Variants in DENND6B observed in about 807,000 individuals in gnomAD.
DENND6B encodes protein DENND6B.
Under a neutral mutation model 85.1 loss-of-function variants are expected in DENND6B, and 73 were observed. That is an observed-to-expected ratio of 0.86 (90% CI 0.71 to 1.04). The LOEUF (loss-of-function observed/expected upper bound fraction) is 1.04, where lower values mean the gene tolerates loss of function less well. Ranked by LOEUF, DENND6B falls within the 50% of genes least tolerant of loss-of-function variation. DENND6B has a pLI of 0.00. For missense variants in DENND6B, 715 were observed against 785.8 expected (o/e 0.91, Z 1.08); for synonymous variants, 357 against 329.3 (o/e 1.08, Z -0.91).
intron 9 of DENND6B, among the ~76,000 whole-genome samples, 177 bp downstream of exon 9, chr22:50,315,537 C>T (rs2041780153): frequency 6.6e-6 from 1 of 152,230 alleles, no homozygotes. Flanking sequence ...ATGAGCGCTG[C>T]CTCCCTTGGG....
At chr22:50,313,951 A>G (rs564628606) in intron 13 of DENND6B, 73 bp from the exon 14 acceptor site, 14 of 1,494,104 alleles carry the variant, frequency 9.4e-6, no homozygotes, top group Admixed American at 4.4e-5. Context: ...CCCACAGAGG[A>G]GCCAGGGTGG....
rs1001635753 is a variant in DENND6B, at chr22:50,317,305, G to A, written c.441C>T (p.Gly147=). The A allele has an allele frequency of 5.6e-6, 9 of 1,612,826 alleles. No homozygotes were observed. Among genetic ancestry groups the A allele is most frequent in the East Asian group, 2.2e-5 (1 of 44,858 alleles). The part of the protein sequence containing the change: ...RQVKDSSVKR[G]YFQKSLVLVS... ...CCAAGCAGCGCACCTTCTGGAAGTAGCCCCTCTTCACAGAGCTGTCCTTCA... is the reference window on the plus strand; with the variant it reads ...CCAAGCAGCGCACCTTCTGGAAGTAACCCCTCTTCACAGAGCTGTCCTTCA... The change falls in exon 5 of 20, where the codon GGC becomes GGT. Residue 147 remains glycine (G), a synonymous_variant. Transcript: ENST00000413817.
rs2041912238 is a variant in DENND6B at position 50,318,038 on chromosome 22, C to T, written c.260-18G>A. 2.5e-6 allele frequency: 4 copies of T among 1,610,858 alleles called. No individual in the cohort carries two copies. Among genetic ancestry groups the T allele is most frequent in the African/African-American group, 1.3e-5 (1 of 74,864 alleles). On this transcript the variant is annotated intron_variant, in intron 3 of 19. Transcript: ENST00000413817. ...AAGGCAGCCTAAGAAGGGGCAGCCC[C>T]ACCACACGGGTCAAGGCCGGGAGCC...
rs1222320613 is a variant in DENND6B at position 50,316,361 on chromosome 22, G to A, written c.559+9C>T. ...GAGACCACGATGGCCACGACTGATG[G>A]CCACTCACCTGCTTCCAGGCAGGGC... On this transcript the variant is annotated intron_variant, in intron 6 of 19. Transcript: ENST00000413817. The A allele has an allele frequency of 1.9e-6, 3 of 1,570,200 alleles. No homozygotes were observed. The highest frequency in any genetic ancestry group is 2.4e-5 in the East Asian group (1 of 41,888).
Position 50,313,129 on chromosome 22 carries a change from C to T in DENND6B, c.1348-21G>A, listed in dbSNP as rs200746706. 1.3e-5 allele frequency: 20 copies of T among 1,548,892 alleles called. No individual in the cohort carries two copies. The East Asian group carries it at 3.4e-4, about 26-fold the overall frequency. On this transcript the variant is annotated intron_variant, in intron 16 of 19. Transcript: ENST00000413817. ...GGAGTCTGAGAGGGGATGGGTGAGCCAGCACGTGGGAACTCGGCCTCACAG... is the reference window on the plus strand; with the variant it reads ...GGAGTCTGAGAGGGGATGGGTGAGCTAGCACGTGGGAACTCGGCCTCACAG...
chr22:50,322,694 G>A lies in DENND6B; in HGVS notation c.178-3691C>T, dbSNP rs150326382. Reference sequence around the variant, plus strand: ...CCTCCAGATAGCTGGGATTACAGGCGTGCCACAATGCCTGGCTAATTTTTT... The same window carrying A: ...CCTCCAGATAGCTGGGATTACAGGCATGCCACAATGCCTGGCTAATTTTTT... On this transcript the variant is annotated intron_variant, in intron 1 of 19. Transcript: ENST00000413817. Among the ~76,000 whole-genome samples, 13 of 151,812 alleles carry A rather than the reference G, an allele frequency of 8.6e-5. No homozygotes were observed. In the East Asian group the frequency reaches 1.2e-3, roughly 14 times the overall value.
At chr22:50,316,589 G>A (rs752770896) in intron 5 of DENND6B, 114 bp from the exon 6 acceptor site, 9 of 1,542,012 alleles carry the variant, frequency 5.8e-6, no homozygotes, top group South Asian at 2.4e-5. Flanking sequence ...AGGGTAGCAC[G>A]TCCCACCAAC....
At position 50,314,793 on chromosome 22, in the gene DENND6B, C is replaced by G. The variant is rs139137024; in HGVS notation, c.881+6G>C. The G allele has an allele frequency of 1.2e-6, 2 of 1,601,932 alleles. No homozygotes were observed. The highest frequency in any genetic ancestry group is 2.2e-5 in the South Asian group (2 of 89,076). On this transcript the variant is annotated splice_donor_region_variant and intron_variant, in intron 10 of 19. Coordinates refer to ENST00000413817, the MANE Select transcript of DENND6B (RefSeq NM_001001794.4). The stretch of plus-strand genomic sequence containing the variant: ...TTCCCCAGCCGGGACCGGGCCAAGG[C>G]GATACCTGGTCAAGGCCAGCACCAT...
rs2068069620 is a variant in DENND6B, at chr22:50,312,113, C to T, written c.*26G>A. The stretch of plus-strand genomic sequence containing the variant: ...GGGAGGCTCAGGCAGACCTAGGGCC[C>T]TGGGACCGTGGCCCTTGGCTTTGTT... On this transcript the variant is annotated 3_prime_UTR_variant, in exon 20 of 20. Transcript: ENST00000413817. The T allele has an allele frequency of 2.5e-6, 4 of 1,610,216 alleles. No homozygotes were observed. In the South Asian group the frequency reaches 3.3e-5, roughly 13 times the overall value.
At position 50,311,855 on chromosome 22, in the gene DENND6B, C is replaced by G. The variant is rs1166816401; in HGVS notation, c.*284G>C. ...AGACGCACCCACATCAGCAAGGGCT[C>G]CCAGCCTGTCCCCGCCCCCGTCCCA... On this transcript the variant is annotated 3_prime_UTR_variant, in exon 20 of 20. Transcript: ENST00000413817. 1 of 476,166 alleles carries G rather than the reference C, an allele frequency of 2.1e-6. No individual in the cohort carries two copies. Among genetic ancestry groups the G allele is most frequent in the Non-Finnish European group, 3.7e-6 (1 of 267,266 alleles). 29.5% of individuals were successfully genotyped at this position (476,166 alleles called of 1,614,324 possible).
chr22:50,315,957 G>A (rs1456605484), intron 8 of DENND6B, 68 bp downstream of exon 8: 34 of 1,608,114 alleles, frequency 2.1e-5, no homozygotes, highest in Admixed American at 2.0e-4. Context: ...GGGACCACCC[G>A]GCCCAGGAGC....
chr22:50,317,557 A>G (rs893254599), intron 4 of DENND6B, among the ~76,000 whole-genome samples, 184 bp from the exon 5 acceptor site: 6 of 152,094 alleles, frequency 3.9e-5, no homozygotes, highest in Non-Finnish European at 8.8e-5. Context: ...TCCTGGGCTC[A>G]GAAGGTGGGC....
chr22:50,313,150 C>T (rs2068107704), intron 16 of DENND6B, 42 bp from the exon 17 acceptor site: 3 of 1,514,528 alleles, frequency 2.0e-6, no homozygotes, highest in East Asian at 2.5e-5. Context: ...AACTCGGCCT[C>T]ACAGGCCTGC....
At chr22:50,325,539 G>A (rs1224505102) in intron 1 of DENND6B, among the ~76,000 whole-genome samples, 4 of 152,172 alleles carry the variant, frequency 2.6e-5, no homozygotes, top group Middle Eastern at 3.4e-3. Flanking sequence ...GTTTCACCAT[G>A]TTGGCCAGGA....
At position 50,314,855 on chromosome 22, in the gene DENND6B, C is replaced by G. The variant is rs1438478977; in HGVS notation, c.825G>C (p.Leu275=). 6.2e-7 allele frequency: 1 copy of G among 1,611,882 alleles called. No individual in the cohort carries two copies. Among genetic ancestry groups the G allele is most frequent in the African/African-American group, 1.3e-5 (1 of 74,910 alleles). ...LWELMLLGEP[L]LVLAPSPDVS... ...CGTCGGGCGAGGGTGCCAGGACTAG[C>G]AGGGGCTCCCCGAGGAGCATGAGCT... Residue 275 remains leucine (L), a synonymous_variant, in exon 10 of 20, where the codon CTG becomes CTC. Coordinates refer to ENST00000413817, the MANE Select transcript of DENND6B (RefSeq NM_001001794.4).
intron 9 of DENND6B, chr22:50,315,185 G>A (rs767524608): frequency 2.0e-6 from 1 of 496,736 alleles, no homozygotes; most frequent in East Asian, 4.0e-5. Context: ...ATCCCGAAGT[G>A]GCCCCAAAGC....
chr22:50,326,854 C>G lies in DENND6B; in HGVS notation c.135G>C (p.Val45=). 1 of 1,443,084 alleles carries G rather than the reference C, an allele frequency of 6.9e-7. No homozygotes were observed. The highest frequency in any genetic ancestry group is 9.1e-7 in the Non-Finnish European group (1 of 1,103,080). The allele number at this position is 1,443,084 out of a possible 1,614,324, so 89.4% of individuals were successfully genotyped here. ...WARFSAWLEC[V]CVVTFDLELG... ...GCTCCAGGTCGAAGGTGACCACGCACACACACTCCAGCCAGGCGGAGAAGC... is the reference window on the plus strand; with the variant it reads ...GCTCCAGGTCGAAGGTGACCACGCAGACACACTCCAGCCAGGCGGAGAAGC... The change falls in exon 1 of 20, where the codon GTG becomes GTC. Residue 45 remains valine (V), a synonymous_variant. Transcript: ENST00000413817.
intron 18 of DENND6B, 21 bp from the exon 19 acceptor site, chr22:50,312,438 T>G: frequency 6.2e-7 from 1 of 1,606,122 alleles, no homozygotes; most frequent in Non-Finnish European, 8.5e-7. Flanking sequence ...AGACGGGGTC[T>G]ACTGTCAGCA....
rs766471515 is a variant in DENND6B at position 50,316,044 on chromosome 22, G to A, written c.683C>T (p.Pro228Leu). 18 of 1,612,590 alleles carry A rather than the reference G, an allele frequency of 1.1e-5. No individual in the cohort carries two copies. In the Admixed American group the frequency reaches 1.3e-4, roughly 12 times the overall value. ...TCCCACCTCTTGGTCAAACTGCTTC[G>A]GAGGACTGGACTCGGACTTGTCCAC... ...SRVDKSESSPPKQFDQENLLP... is the reference protein window; with the variant it reads ...SRVDKSESSPLKQFDQENLLP... The change falls in exon 8 of 20, where the codon CCG becomes CTG. Residue 228 changes from proline to leucine, a missense_variant. By Grantham distance (98) the Pro-to-Leu change is moderately conservative. Coordinates refer to ENST00000413817, the MANE Select transcript of DENND6B (RefSeq NM_001001794.4).
Sources: gnomAD v4.1 joint callset for allele counts (sites outside exome capture counted in the v4.1 genomes callset) on GRCh38, gnomAD v4.1.1 for gene constraint, MANE v1.5 for transcripts, NCBI Gene and HGNC (gene_info 2026-07-23, HGNC 2026-07-21) for gene names.